The following PLCB1 variants were observed in gnomAD, a reference collection of about 807,000 sequenced individuals.
PLCB1 encodes the protein 1-phosphatidylinositol 4,5-bisphosphate phosphodiesterase beta-1.
PLCB1 carries 46 observed loss-of-function variants against 161.8 expected under a neutral mutation model. The observed-to-expected ratio is 0.28, with a 90% CI of 0.22 to 0.36. PLCB1 has a LOEUF of 0.36. Ranked by LOEUF, PLCB1 falls within the 10% of genes least tolerant of loss-of-function variation. The probability of loss-of-function intolerance (pLI) is 1.00; values close to 1 mark genes in which losing one functional copy is unlikely to be tolerated. For synonymous variants in PLCB1, 517 were observed against 503.7 expected, an observed-to-expected ratio of 1.03 and a Z score of -0.35; for missense variants, 1,016 against 1,472.5, an observed-to-expected ratio of 0.69 and a Z score of 5.07.
In PLCB1 at chr20:8,577,217, T is replaced by C. The variant is rs550637151; in HGVS notation, c.247-51077T>C. Among the ~76,000 whole-genome samples the C allele has an allele frequency of 4.0e-5, 6 of 150,578 alleles. No homozygotes were observed. In the East Asian group the frequency reaches 9.8e-4, roughly 25 times the overall value. ...GGCTGAGGCGGGCGGATCACGAGGT[T>C]GGGAGATCGAGACCATCCTGGCTAA... On this transcript the variant is annotated intron_variant, in intron 3 of 31. Coordinates refer to ENST00000338037, the MANE Select transcript of PLCB1 (RefSeq NM_015192.4).
chr20:8,540,028 T>C (rs1985245378), intron 3 of PLCB1, among the ~76,000 whole-genome samples: 1 of 152,114 alleles, frequency 6.6e-6, no homozygotes, highest in Admixed American at 6.6e-5. Flanking sequence ...CAATTAATAA[T>C]TGATATCAAA....
chr20:8,546,521 A>T (rs1324876427), intron 3 of PLCB1, among the ~76,000 whole-genome samples: 4 of 152,144 alleles, frequency 2.6e-5, no homozygotes, highest in Non-Finnish European at 5.9e-5. Flanking sequence ...CAAGAATGCC[A>T]CTCTGATTCT....
chr20:8,609,735 C>T, intron 3 of PLCB1, among the ~76,000 whole-genome samples: 1 of 152,058 alleles, frequency 6.6e-6, no homozygotes, highest in East Asian at 1.9e-4. Context: ...TCTCAATCTC[C>T]TGGGCTCAAG....
chr20:8,599,405 T>C (rs1987458246), intron 3 of PLCB1, among the ~76,000 whole-genome samples: 1 of 147,938 alleles, frequency 6.8e-6, no homozygotes, highest in East Asian at 2.0e-4. Flanking sequence ...AATTCTTTTC[T>C]TTAAGAATGT....
chr20:8,834,472 C>G (rs1406514543), intron 31 of PLCB1, among the ~76,000 whole-genome samples: 2 of 151,992 alleles, frequency 1.3e-5, no homozygotes, highest in East Asian at 1.9e-4. Context: ...ATTATGGAGG[C>G]TGGCAAGTCC....
At chr20:8,523,333 CA>C in intron 3 of PLCB1, among the ~76,000 whole-genome samples, 1 of 149,620 alleles carries the variant, frequency 6.7e-6, no homozygotes, top group Non-Finnish European at 1.5e-5. Context: ...GAAAGATTAG[CA>C]AGTCTTTGGA....
At chr20:8,247,605 A>G (rs757887201) in intron 2 of PLCB1, among the ~76,000 whole-genome samples, 4 of 151,636 alleles carry the variant, frequency 2.6e-5, no homozygotes, top group Non-Finnish European at 4.4e-5. Context: ...GTGAACTTAG[A>G]CAATTTAATA....
At chr20:8,471,303 G>A (rs951324452) in intron 3 of PLCB1, among the ~76,000 whole-genome samples, 4 of 152,172 alleles carry the variant, frequency 2.6e-5, no homozygotes, top group African/African-American at 9.6e-5. Flanking sequence ...AGTGTTCAAA[G>A]CAAGGACTGT....
chr20:8,473,487 T>TCTC (rs1982144003), intron 3 of PLCB1, among the ~76,000 whole-genome samples: 1 of 152,148 alleles, frequency 6.6e-6, no homozygotes, highest in Non-Finnish European at 1.5e-5. Context: ...ACTCTTTATA[T>TCTC]CTCCTGAATC....
intron 3 of PLCB1, among the ~76,000 whole-genome samples, chr20:8,431,023 C>T (rs6039163): frequency 0.059 from 8,960 of 151,796 alleles, 844 homozygotes; most frequent in African/African-American, 0.2. Flanking sequence ...AGTAGTTTGA[C>T]GTATTAAAGA....
chr20:8,203,303 G>A (rs1014779888), intron 2 of PLCB1, among the ~76,000 whole-genome samples: 2 of 152,122 alleles, frequency 1.3e-5, no homozygotes, highest in Non-Finnish European at 2.9e-5. Context: ...AGAGGAAGAA[G>A]CAAAGATGAT....
intron 31 of PLCB1, among the ~76,000 whole-genome samples, chr20:8,871,353 A>G (rs909322671): frequency 1.3e-5 from 2 of 152,186 alleles, no homozygotes; most frequent in Non-Finnish European, 2.9e-5. Flanking sequence ...TGTATGTCCA[A>G]TGGAGGAAGT....
intron 1 of PLCB1, among the ~76,000 whole-genome samples, chr20:8,149,236 CA>C (rs1160925336): frequency 6.6e-6 from 1 of 152,156 alleles, no homozygotes; most frequent in African/African-American, 2.4e-5. Flanking sequence ...TTTCTCACAG[CA>C]ACCTTCTGAG....
chr20:8,180,483 G>T (rs1053545548), intron 2 of PLCB1, among the ~76,000 whole-genome samples: 9 of 152,146 alleles, frequency 5.9e-5, no homozygotes, highest in African/African-American at 2.2e-4. Context: ...GAGTTAGGCA[G>T]AAGACCCTCC....
chr20:8,462,277 C>T (rs1191604258), intron 3 of PLCB1, among the ~76,000 whole-genome samples: 1 of 152,156 alleles, frequency 6.6e-6, no homozygotes, highest in Non-Finnish European at 1.5e-5. Context: ...AGCTCTTTTA[C>T]TGTCTGCTGT....
intron 31 of PLCB1, among the ~76,000 whole-genome samples, chr20:8,851,688 C>T (rs549089164): frequency 2.0e-5 from 3 of 150,630 alleles, no homozygotes; most frequent in Non-Finnish European, 2.9e-5. Context: ...CAGCCCTGTG[C>T]TTCCATCTCC....
chr20:8,391,763 GTATATA>G (rs146859336), intron 3 of PLCB1, among the ~76,000 whole-genome samples: 28,484 of 121,952 alleles, frequency 0.23, 3,597 homozygotes, highest in South Asian at 0.42. Flanking sequence ...AAATAATGAA[GTATATA>G]TATATATATG....
chr20:8,300,695 A>G (rs1366057490), intron 2 of PLCB1, among the ~76,000 whole-genome samples: 1 of 152,172 alleles, frequency 6.6e-6, no homozygotes, highest in Non-Finnish European at 1.5e-5. Flanking sequence ...TGTACTACCC[A>G]AACTTGTAAG....
At chr20:8,326,666 C>T (rs1411133223) in intron 2 of PLCB1, among the ~76,000 whole-genome samples, 3 of 152,100 alleles carry the variant, frequency 2.0e-5, no homozygotes. Context: ...GTCTGGGAAA[C>T]CCCCAATGTC....
Sources: allele counts gnomAD v4.1 joint callset (sites outside exome capture counted in the v4.1 genomes callset), GRCh38; gene constraint gnomAD v4.1.1; transcripts MANE v1.5; gene names NCBI Gene and HGNC (gene_info 2026-07-23, HGNC 2026-07-21).